Variants in ATG12 observed in about 807,000 individuals in gnomAD.
ATG12 encodes the protein ubiquitin-like protein ATG12.
In ATG12, 19 loss-of-function variants were observed where a neutral mutation model predicts 17.6. The ratio of observed to expected loss-of-function variants is 1.08; its 90% CI spans 0.75 to 1.58. ATG12 has a LOEUF of 1.58. Among genes scored for constraint, ATG12 ranks in the 40% most tolerant of loss-of-function variants. The probability of loss-of-function intolerance (pLI) is 0.00; values close to 1 mark genes in which losing one functional copy is unlikely to be tolerated. For missense variants in ATG12, 214 were observed against 162.0 expected (o/e 1.32, Z -1.74); for synonymous variants, 75 against 62.4 (o/e 1.20, Z -0.95).
chr5:115,835,191 T>G (rs1761042396), intron 2 of ATG12: 1 of 152,234 alleles, frequency 6.6e-6, no homozygotes, highest in Non-Finnish European at 1.5e-5. Context: ...TTAGCTCATT[T>G]TGAAATACAA....
chr5:115,832,306 A>T (rs1255597630), intron 3 of ATG12, among the ~76,000 whole-genome samples: 1 of 152,140 alleles, frequency 6.6e-6, no homozygotes, highest in African/African-American at 2.4e-5. Flanking sequence ...ATGTAGATAA[A>T]GAAAAAGCCT....
Position 115,841,412 on chromosome 5 carries a change from A to T in ATG12, c.141T>A (p.Pro47=). The T allele has an allele frequency of 6.2e-7, 1 of 1,610,640 alleles. No homozygotes were observed. The highest frequency in any genetic ancestry group is 8.5e-7 in the Non-Finnish European group (1 of 1,179,232). Residue 47 remains proline (P), a synonymous_variant, in exon 1 of 4, where the codon CCT becomes CCA. Transcript: ENST00000509910. ...TACTTTTTTTCTTGGTGTCGCCAGCAGGTTCCTCTGTTCCCGGGGAAACTG... is the reference window on the plus strand; with the variant it reads ...TACTTTTTTTCTTGGTGTCGCCAGCTGGTTCCTCTGTTCCCGGGGAAACTG... ...SAAVSPGTEE[P]AGDTKKKIDI... is the part of the protein sequence containing the mutation.
rs370469846 is a variant in ATG12 at position 115,840,016 on chromosome 5, T to C, written c.163+1374A>G. Among the ~76,000 whole-genome samples the C allele has an allele frequency of 5.4e-4, 82 of 152,332 alleles. 2 individuals are homozygous for C. The East Asian group carries it at 9.7e-3, about 18-fold the overall frequency. Reference sequence around the variant, plus strand: ...TAGCTTTTGTTTTGCACAGCTATCATCAGAGTCAAGTAACAAGTTTTGACT... The same window carrying C: ...TAGCTTTTGTTTTGCACAGCTATCACCAGAGTCAAGTAACAAGTTTTGACT... On this transcript the variant is annotated intron_variant, in intron 1 of 3. Transcript: ENST00000509910.
intron 1 of ATG12, among the ~76,000 whole-genome samples, chr5:115,839,705 C>T (rs1761253410): frequency 6.6e-6 from 1 of 152,198 alleles, no homozygotes; most frequent in African/African-American, 2.4e-5. Flanking sequence ...ACCTCCAGTG[C>T]CAAAACCTTG....
chr5:115,828,640 A>C lies in ATG12; in HGVS notation c.*3164T>G, dbSNP rs1760733768. The C allele has an allele frequency of 6.6e-6, 1 of 152,148 alleles. No individual in the cohort carries two copies. Among genetic ancestry groups the C allele is most frequent in the African/African-American group, 2.4e-5 (1 of 41,440 alleles). 9.4% of individuals were successfully genotyped at this position (152,148 alleles called of 1,614,324 possible). ...TCATATGTTGCAAATATTTTCCATT[A>C]CCTTCTGCTGTACAAAAACTTAAAC... is the stretch of plus-strand genomic sequence containing the variant. On this transcript the variant is annotated 3_prime_UTR_variant, in exon 4 of 4. Coordinates refer to ENST00000509910, the MANE Select transcript of ATG12 (RefSeq NM_004707.4).
At chr5:115,840,784 G>A (rs541680698) in intron 1 of ATG12, 1 of 1,190,576 alleles carries the variant, frequency 8.4e-7, no homozygotes, top group African/African-American at 1.6e-5. Flanking sequence ...ATAAAGGGTT[G>A]AGGATAGCTG....
chr5:115,838,181 TG>T, intron 1 of ATG12: 1 of 153,648 alleles, frequency 6.5e-6, no homozygotes, highest in East Asian at 1.9e-4. Context: ...GAATGCAGTA[TG>T]GTAATACAGA....
chr5:115,841,043 G>A (rs973721802), intron 1 of ATG12: 6 of 483,990 alleles, frequency 1.2e-5, no homozygotes, highest in Middle Eastern at 3.4e-4. Flanking sequence ...CAAATAATTA[G>A]CTCCTGTGTT....
At chr5:115,840,296 CTTTT>C (rs544937852) in intron 1 of ATG12, among the ~76,000 whole-genome samples, 5 of 135,048 alleles carry the variant, frequency 3.7e-5, no homozygotes, top group African/African-American at 2.7e-5. Context: ...AGACCAATGT[CTTTT>C]TTTTTTTTTT....
intron 1 of ATG12, among the ~76,000 whole-genome samples, chr5:115,840,159 A>C (rs927851112): frequency 6.6e-6 from 1 of 152,250 alleles, no homozygotes; most frequent in African/African-American, 2.4e-5. Context: ...GAAAGATTCC[A>C]GTGGCTATCC....
rs1270193412 is a variant in ATG12, at chr5:115,832,567, CTTTCTTTTTTT to C, written c.363+24_363+34del. On this transcript the variant is annotated intron_variant, in intron 3 of 3. Transcript: ENST00000509910. ...GATTAAGAAAAAAAAGCAGTAATTT[CTTTCTTTTTTT>C]TTTTTTTTTTTTTTTTTTTTTACCT... 2,070 of 1,064,866 alleles carry C rather than the reference CTTTCTTTTTTT, an allele frequency of 1.9e-3. 4 individuals carry two copies. Among genetic ancestry groups the C allele is most frequent in the East Asian group, 0.01 (219 of 21,620 alleles). 66.0% of individuals were successfully genotyped at this position (1,064,866 alleles called of 1,614,324 possible). A position where few individuals can be genotyped will look rare whatever the true frequency, so the allele number is the denominator to read the frequency against.
At chr5:115,840,919 G>C (rs963409954) in intron 1 of ATG12, 1 of 1,285,576 alleles carries the variant, frequency 7.8e-7, no homozygotes, top group Admixed American at 2.3e-5. Flanking sequence ...GGTTTAAGGA[G>C]TGAATTCACA....
At position 115,841,545 on chromosome 5, in the gene ATG12, T is replaced by A; in HGVS notation, c.8A>T (p.Glu3Val). The change falls in exon 1 of 4, where the codon GAG (glutamate) becomes GTG (valine). Residue 3 changes from glutamate (E) to valine (V), a missense_variant. Physicochemically the swap from Glu to Val is moderately radical, Grantham distance 121. Coordinates refer to ENST00000509910, the MANE Select transcript of ATG12 (RefSeq NM_004707.4). MA[E>V]EPQSVLQLPT... ...AAGCTGCAACACAGACTGCGGCTCC[T>A]CCGCCATCTTGCTTGGAGACACTCG... 1 of 1,613,674 alleles carries A rather than the reference T, an allele frequency of 6.2e-7. No individual in the cohort carries two copies. Among genetic ancestry groups the A allele is most frequent in the Non-Finnish European group, 8.5e-7 (1 of 1,179,864 alleles).
At chr5:115,840,879 G>A in intron 1 of ATG12, 1 of 1,287,734 alleles carries the variant, frequency 7.8e-7, no homozygotes, top group South Asian at 1.2e-5. Context: ...TCCCTTAGCA[G>A]TCTTCATTCT....
chr5:115,840,646 A>C, intron 1 of ATG12: 1 of 1,245,642 alleles, frequency 8.0e-7, no homozygotes, highest in Non-Finnish European at 1.0e-6. Context: ...TCTAAGGACG[A>C]AATCAGCCTC....
In ATG12 at chr5:115,840,390, CG is replaced by C. The variant is rs549192734; in HGVS notation, c.163+999del. 8.4e-4 allele frequency: 162 copies of C among 193,352 alleles called. 2 individuals carry two copies. Among genetic ancestry groups the C allele is most frequent in the Non-Finnish European group, 2.7e-4 (25 of 91,120 alleles). 12.0% of individuals were successfully genotyped at this position (193,352 alleles called of 1,614,324 possible). On this transcript the variant is annotated intron_variant, in intron 1 of 3. Transcript: ENST00000509910. ...TCCGCCCACTGCCACCTCCGCCTCG[CG>C]GGTTCAAGCGATTCTCCTGCCTCAG...
At chr5:115,840,226 G>C (rs1381800474) in intron 1 of ATG12, among the ~76,000 whole-genome samples, 1 of 152,162 alleles carries the variant, frequency 6.6e-6, no homozygotes, top group Admixed American at 6.6e-5. Flanking sequence ...AAGTGGGAAG[G>C]GGGGCAGTCT....
intron 3 of ATG12, 57 bp from the exon 4 acceptor site, chr5:115,831,920 C>G: frequency 3.3e-6 from 5 of 1,508,354 alleles, no homozygotes; most frequent in Non-Finnish European, 2.7e-6. Context: ...TTAGATGAAA[C>G]TAAGAAGATA....
At chr5:115,839,429 A>G (rs1358544118) in intron 1 of ATG12, 1 of 152,098 alleles carries the variant, frequency 6.6e-6, no homozygotes, top group Non-Finnish European at 1.5e-5. Flanking sequence ...TATCTTTCAT[A>G]CCTCCTTTCA....
Sources: allele counts gnomAD v4.1 joint callset (sites outside exome capture counted in the v4.1 genomes callset), GRCh38; gene constraint gnomAD v4.1.1; transcripts MANE v1.5; gene names NCBI Gene and HGNC (gene_info 2026-07-23, HGNC 2026-07-21).